GRIN2A: variants seen among roughly 807,000 people sequenced by gnomAD.
GRIN2A encodes glutamate ionotropic receptor NMDA type subunit 2A.
In GRIN2A, 22 loss-of-function variants were observed where a neutral mutation model predicts 113.4. The observed-to-expected ratio is 0.19, with a 90% CI of 0.14 to 0.28. The LOEUF (loss-of-function observed/expected upper bound fraction) is 0.28, where lower values mean the gene tolerates loss of function less well. Among genes scored for constraint, GRIN2A ranks in the 10% least tolerant of loss-of-function variants. The pLI, the probability that GRIN2A is intolerant of heterozygous loss-of-function variation, is 1.00. For synonymous variants in GRIN2A, 827 were observed against 738.4 expected (o/e 1.12, Z -1.94); for missense variants, 1,502 against 1,887.0 (o/e 0.80, Z 3.78).
At chr16:9,780,287 G>T (rs1463861578) in intron 11 of GRIN2A, among the ~76,000 whole-genome samples, 2 of 152,156 alleles carry the variant, frequency 1.3e-5, no homozygotes, top group Non-Finnish European at 2.9e-5. Context: ...AAGTGCCTTT[G>T]TGCACAAGAA....
At chr16:10,037,134 C>T (rs1289589371) in intron 2 of GRIN2A, 1 of 152,154 alleles carries the variant, frequency 6.6e-6, no homozygotes. Context: ...CCAGAGAGTT[C>T]CGCCTCGGTT....
intron 2 of GRIN2A, among the ~76,000 whole-genome samples, chr16:10,172,393 T>C (rs1165646307): frequency 1.3e-5 from 2 of 152,224 alleles, no homozygotes; most frequent in African/African-American, 2.4e-5. Flanking sequence ...ATGGCATCCA[T>C]GGTTGCATAC....
chr16:10,070,026 T>G (rs1042828417), intron 2 of GRIN2A, among the ~76,000 whole-genome samples: 1 of 152,142 alleles, frequency 6.6e-6, no homozygotes, highest in African/African-American at 2.4e-5. Flanking sequence ...TTCTCTAAGC[T>G]CAATGACAAT....
At chr16:10,093,805 T>G (rs568804794) in intron 2 of GRIN2A, among the ~76,000 whole-genome samples, 36 of 152,170 alleles carry the variant, frequency 2.4e-4, no homozygotes, top group African/African-American at 8.7e-4. Context: ...GCCAATTACG[T>G]GAGGGAGACG....
intron 2 of GRIN2A, among the ~76,000 whole-genome samples, chr16:10,017,890 C>CA (rs2046640687): frequency 6.6e-6 from 1 of 152,200 alleles, no homozygotes; most frequent in African/African-American, 2.4e-5. Context: ...ACCTTAGTCT[C>CA]AGCCCTGCTG....
chr16:9,834,746 G>GATTGCATATAATATAATAAAAAT, intron 7 of GRIN2A, among the ~76,000 whole-genome samples: 1 of 152,240 alleles, frequency 6.6e-6, no homozygotes, highest in East Asian at 1.9e-4. Context: ...TGAAGTATAA[G>GATTGCATATAATATAATAAAAAT]ATTGCATATA....
In GRIN2A at chr16:9,756,223, C is replaced by T. The variant is rs1309642190; in HGVS notation, c.*6926G>A. 4.4e-6 allele frequency: 1 copy of T among 227,022 alleles called. No homozygotes were observed. Among genetic ancestry groups the T allele is most frequent in the East Asian group, 6.3e-5 (1 of 15,928 alleles). 14.1% of individuals were successfully genotyped at this position (227,022 alleles called of 1,614,324 possible). ...GATGTTGACTGATAAAAAGATGAGA[C>T]ATTAGGAAAGAGATATTTAAGATTA... On this transcript the variant is annotated 3_prime_UTR_variant, in exon 13 of 13. Coordinates refer to ENST00000330684, the MANE Select transcript of GRIN2A (RefSeq NM_001134407.3).
At chr16:9,850,067 C>G (rs2042856455) in intron 4 of GRIN2A, 106 bp from the exon 5 acceptor site, 2 of 915,962 alleles carry the variant, frequency 2.2e-6, no homozygotes, top group African/African-American at 3.2e-5. Flanking sequence ...AAGGGCCTTT[C>G]TGCCACATAT....
chr16:10,081,935 C>A (rs1052407600), intron 2 of GRIN2A, among the ~76,000 whole-genome samples: 11 of 152,170 alleles, frequency 7.2e-5, no homozygotes, highest in African/African-American at 2.7e-4. Flanking sequence ...TAGTTGTAGT[C>A]CTGGAGTCAG....
At chr16:9,933,616 A>C (rs1324360836) in intron 3 of GRIN2A, among the ~76,000 whole-genome samples, 2 of 152,240 alleles carry the variant, frequency 1.3e-5, no homozygotes, top group Non-Finnish European at 2.9e-5. Context: ...TTAAGCTTGA[A>C]GTGAAGAACT....
chr16:10,002,176 C>T (rs907632642), intron 2 of GRIN2A, among the ~76,000 whole-genome samples: 1 of 152,112 alleles, frequency 6.6e-6, no homozygotes, highest in African/African-American at 2.4e-5. Flanking sequence ...ATAAAATAAT[C>T]AGATAAAACA....
intron 11 of GRIN2A, among the ~76,000 whole-genome samples, chr16:9,771,395 T>C (rs956460654): frequency 3.9e-5 from 6 of 152,202 alleles, no homozygotes; most frequent in African/African-American, 1.4e-4. Flanking sequence ...ATTTTATTTA[T>C]TTTAATTGTG....
intron 2 of GRIN2A, among the ~76,000 whole-genome samples, chr16:10,046,852 C>G (rs903201901): frequency 6.6e-6 from 1 of 152,178 alleles, no homozygotes; most frequent in Non-Finnish European, 1.5e-5. Context: ...ATTCACCACC[C>G]AACACTCAGA....
chr16:10,130,115 T>C (rs2049031067), intron 2 of GRIN2A, among the ~76,000 whole-genome samples: 1 of 152,278 alleles, frequency 6.6e-6, no homozygotes, highest in Middle Eastern at 3.4e-3. Context: ...TATGGGGACA[T>C]GCTAAAGACA....
At chr16:10,039,779 G>GGGGAGAGGGAGAGGGAGA (rs879696426) in intron 2 of GRIN2A, among the ~76,000 whole-genome samples, 1 of 103,300 alleles carries the variant, frequency 9.7e-6, no homozygotes, top group East Asian at 4.7e-4. Context: ...GGAGAGGGAG[G>GGGGAGAGGGAGAGGGAGA]GGGAGGGGGA....
At chr16:9,868,354 C>T (rs1054119450) in intron 4 of GRIN2A, among the ~76,000 whole-genome samples, 2 of 152,172 alleles carry the variant, frequency 1.3e-5, no homozygotes, top group African/African-American at 2.4e-5. Flanking sequence ...GCAACCTCCG[C>T]CTCCCGGGTT....
intron 2 of GRIN2A, among the ~76,000 whole-genome samples, chr16:10,012,874 G>A (rs1237386119): frequency 6.6e-6 from 1 of 152,178 alleles, no homozygotes; most frequent in African/African-American, 2.4e-5. Flanking sequence ...AGAACTGTAG[G>A]ATAATAAATT....
At chr16:10,052,541 G>A (rs1394425567) in intron 2 of GRIN2A, among the ~76,000 whole-genome samples, 3 of 152,218 alleles carry the variant, frequency 2.0e-5, no homozygotes, top group African/African-American at 4.8e-5. Context: ...TTCTAGCCAG[G>A]GAGAGGGGTG....
chr16:9,968,910 C>G (rs2045614869), intron 2 of GRIN2A, among the ~76,000 whole-genome samples: 1 of 152,026 alleles, frequency 6.6e-6, no homozygotes, highest in South Asian at 2.1e-4. Context: ...GCCCTGCCCT[C>G]AAACCACATA....
Sources: allele counts gnomAD v4.1 joint callset (sites outside exome capture counted in the v4.1 genomes callset), GRCh38; gene constraint gnomAD v4.1.1; transcripts MANE v1.5; gene names NCBI Gene and HGNC (gene_info 2026-07-23, HGNC 2026-07-21).